The following TNS3 variants were observed in gnomAD, a reference collection of about 807,000 sequenced individuals.
TNS3 encodes the protein tensin-3.
TNS3 carries 45 observed loss-of-function variants against 140.9 expected under a neutral mutation model. That is an observed-to-expected ratio of 0.32 (90% CI 0.25 to 0.41). TNS3 has a LOEUF of 0.41. Ranked by LOEUF, TNS3 falls within the 10% of genes least tolerant of loss-of-function variation. The pLI is 1.00. For missense variants in TNS3, 1,716 were observed against 1,906.7 expected, an observed-to-expected ratio of 0.90 and a Z score of 1.86; for synonymous variants, 815 against 788.4, an observed-to-expected ratio of 1.03 and a Z score of -0.56.
At chr7:47,487,516 G>GCT (rs1026161752) in intron 3 of TNS3, among the ~76,000 whole-genome samples, 2 of 152,086 alleles carry the variant, frequency 1.3e-5, no homozygotes, top group African/African-American at 4.8e-5. Context: ...GGGAGAATCA[G>GCT]CTCAACAATA....
At chr7:47,452,781 G>C (rs1796074582) in intron 4 of TNS3, among the ~76,000 whole-genome samples, 1 of 152,218 alleles carries the variant, frequency 6.6e-6, no homozygotes, top group South Asian at 2.1e-4. Context: ...AACATCTGCA[G>C]CATTGAAGTG....
chr7:47,455,116 G>A (rs1796193530), intron 4 of TNS3, among the ~76,000 whole-genome samples: 1 of 152,200 alleles, frequency 6.6e-6, no homozygotes, highest in Non-Finnish European at 1.5e-5. Flanking sequence ...GTCCACATGG[G>A]ATGTCGGGGG....
intron 1 of TNS3, among the ~76,000 whole-genome samples, chr7:47,539,819 T>A (rs1799734106): frequency 6.6e-6 from 1 of 152,194 alleles, no homozygotes; most frequent in African/African-American, 2.4e-5. Flanking sequence ...TAAACACTGG[T>A]GCAGGAATGA....
chr7:47,448,944 T>C (rs1795885345), intron 4 of TNS3, among the ~76,000 whole-genome samples: 1 of 152,188 alleles, frequency 6.6e-6, no homozygotes, highest in South Asian at 2.1e-4. Flanking sequence ...CTCATGAGCC[T>C]CAGTGACCCC....
chr7:47,369,532 G>A lies in TNS3; in HGVS notation c.1114C>T (p.Gln372Ter). 6.2e-7 allele frequency: 1 copy of A among 1,613,608 alleles called. No homozygotes were observed. The highest frequency in any genetic ancestry group is 2.2e-5 in the East Asian group (1 of 44,872). The change falls in exon 17 of 31, where the codon CAG becomes TAG. Residue 372 changes from glutamine (Q) to a stop codon, truncating the protein, a stop_gained. Coordinates refer to ENST00000311160, the MANE Select transcript of TNS3 (RefSeq NM_022748.12). LOFTEE classifies it high-confidence loss of function. Reference sequence around the variant, plus strand: ...GGGCTGTTGGTGGCCGGGATTGCCTGGGGGCCACCTGGGATGCCAGGATCC... The same window carrying A: ...GGGCTGTTGGTGGCCGGGATTGCCTAGGGGCCACCTGGGATGCCAGGATCC... ...SSDPGIPGGP[Q>*]AIPATNSPDH...
intron 25 of TNS3, 85 bp from the exon 26 acceptor site, chr7:47,292,990 G>A (rs1027168657): frequency 3.2e-5 from 38 of 1,190,208 alleles, no homozygotes; most frequent in East Asian, 2.5e-4. Context: ...GGAATGAAAC[G>A]GATGCAAAGG....
intron 10 of TNS3, among the ~76,000 whole-genome samples, chr7:47,423,253 A>G (rs1447937923): frequency 6.6e-6 from 1 of 152,228 alleles, no homozygotes; most frequent in African/African-American, 2.4e-5. Context: ...CAATTCTCCT[A>G]CAAATTCCCT....
chr7:47,400,328 G>T, intron 15 of TNS3, 65 bp downstream of exon 15: 1 of 1,333,092 alleles, frequency 7.5e-7, no homozygotes, highest in Non-Finnish European at 1.1e-6. Flanking sequence ...CAGCCCCAGC[G>T]TAGCCATCAT....
intron 20 of TNS3, among the ~76,000 whole-genome samples, chr7:47,321,851 A>T (rs910390508): frequency 2.0e-5 from 3 of 152,074 alleles, no homozygotes; most frequent in Non-Finnish European, 4.4e-5. Context: ...TGCACAACAC[A>T]ATATAAAAGA....
intron 23 of TNS3, among the ~76,000 whole-genome samples, chr7:47,299,851 C>G (rs1364374552): frequency 6.6e-6 from 1 of 152,212 alleles, no homozygotes; most frequent in Non-Finnish European, 1.5e-5. Flanking sequence ...GCACTGGCAT[C>G]GCATTCCTCA....
chr7:47,425,132 A>G (rs1463106174), intron 9 of TNS3, among the ~76,000 whole-genome samples: 2 of 152,224 alleles, frequency 1.3e-5, no homozygotes, highest in African/African-American at 2.4e-5. Flanking sequence ...CAGCCTGGTC[A>G]ACAGGGTGAA....
chr7:47,406,607 C>T (rs776416484), intron 13 of TNS3, among the ~76,000 whole-genome samples: 6 of 152,204 alleles, frequency 3.9e-5, no homozygotes, highest in Non-Finnish European at 8.8e-5. Flanking sequence ...CACTTTCCGC[C>T]TTCAAAAGTA....
intron 9 of TNS3, among the ~76,000 whole-genome samples, chr7:47,424,723 G>A (rs912838742): frequency 6.6e-6 from 1 of 152,170 alleles, no homozygotes; most frequent in African/African-American, 2.4e-5. Context: ...CCTGTGCCCC[G>A]CCAGTATGTC....
chr7:47,389,109 CA>C (rs1289916398), intron 16 of TNS3, among the ~76,000 whole-genome samples: 41,101 of 59,130 alleles, frequency 0.7, 16,895 homozygotes, highest in East Asian at 0.82. Flanking sequence ...GAAGCGGAAG[CA>C]GAAGAAGAAG....
intron 2 of TNS3, among the ~76,000 whole-genome samples, chr7:47,516,723 T>C (rs920994346): frequency 6.6e-6 from 1 of 152,184 alleles, no homozygotes; most frequent in Non-Finnish European, 1.5e-5. Flanking sequence ...GAGCAATGGC[T>C]AAAATGATTT....
Position 47,308,086 on chromosome 7 carries a change from A to G in TNS3, c.2651-3083T>C, listed in dbSNP as rs144675476. 7.1e-3 allele frequency among the ~76,000 whole-genome samples: 1,081 copies of G among 152,316 alleles called. 11 individuals are homozygous for G. The highest frequency in any genetic ancestry group is 0.023 in the African/African-American group (960 of 41,566). On this transcript the variant is annotated intron_variant, in intron 20 of 30. Transcript: ENST00000311160. Reference sequence around the variant, plus strand: ...GTAATAGTTTTGGAAGAAACTATAAACATAAGCCTATGATCCATTTTCAGT... The same window carrying G: ...GTAATAGTTTTGGAAGAAACTATAAGCATAAGCCTATGATCCATTTTCAGT...
In TNS3 at chr7:47,277,623, C is replaced by A. The variant is rs1039410134; in HGVS notation, c.*453G>T. ...TTGGGAAGACCGAGGTGAGGGAAAC[C>A]CCCGGCCTCGGGTGCAGCTGGACAG... On this transcript the variant is annotated 3_prime_UTR_variant, in exon 31 of 31. Coordinates refer to ENST00000311160, the MANE Select transcript of TNS3 (RefSeq NM_022748.12). The A allele has an allele frequency of 2.9e-5, 7 of 237,866 alleles. No individual in the cohort carries two copies. Among genetic ancestry groups the A allele is most frequent in the African/African-American group, 4.6e-5 (2 of 43,566 alleles). 14.7% of individuals were successfully genotyped at this position (237,866 alleles called of 1,614,324 possible).
At chr7:47,380,156 G>T (rs1791662377) in intron 16 of TNS3, among the ~76,000 whole-genome samples, 3 of 152,222 alleles carry the variant, frequency 2.0e-5, no homozygotes, top group Admixed American at 2.0e-4. Flanking sequence ...GCTGTGGCAG[G>T]CGTGTCACAG....
chr7:47,536,332 CA>C (rs1799596169), intron 1 of TNS3, among the ~76,000 whole-genome samples: 1 of 93,456 alleles, frequency 1.1e-5, no homozygotes, highest in Non-Finnish European at 2.3e-5. Context: ...CTGTTTAATT[CA>C]GCAATAACTT....
Sources: allele counts gnomAD v4.1 joint callset (sites outside exome capture counted in the v4.1 genomes callset), GRCh38; gene constraint gnomAD v4.1.1; transcripts MANE v1.5; gene names NCBI Gene and HGNC (gene_info 2026-07-23, HGNC 2026-07-21).